Variants in NFIA observed in about 807,000 individuals in gnomAD.
NFIA encodes nuclear factor 1 A-type.
A neutral mutation model predicts 62.8 loss-of-function variants in NFIA; 8 were observed. The ratio of observed to expected loss-of-function variants is 0.13; its 90% confidence interval spans 0.07 to 0.23. The LOEUF is 0.23. Ranked by LOEUF, NFIA falls within the 10% of genes least tolerant of loss-of-function variation. The pLI is 1.00. For synonymous variants in NFIA, 235 were observed against 238.1 expected (o/e 0.99, Z 0.12); for missense variants, 410 against 642.1 (o/e 0.64, Z 3.91).
intron 3 of NFIA, among the ~76,000 whole-genome samples, chr1:61,290,463 T>C (rs1658807068): frequency 6.6e-6 from 1 of 152,194 alleles, no homozygotes; most frequent in Non-Finnish European, 1.5e-5. Flanking sequence ...CAAGACAAAG[T>C]TCATTAGGAT....
Position 61,088,696 on chromosome 1 carries a change from A to G in NFIA, c.559+16A>G. 1 of 1,595,198 alleles carries G rather than the reference A, an allele frequency of 6.3e-7. No homozygotes were observed. Among genetic ancestry groups the G allele is most frequent in the Non-Finnish European group, 8.5e-7 (1 of 1,170,048 alleles). On this transcript the variant is annotated intron_variant, in intron 2 of 10. Transcript: ENST00000403491. The surrounding 1 kb of genome is among the most constrained non-coding windows in gnomAD (Gnocchi z 4.5). ...CATGCAGCAGGTAAGTGCGATGGTG[A>G]GAATTCCTCCCACTTTCTTGTGTGT...
chr1:61,427,799 T>G (rs1217201950), intron 10 of NFIA, among the ~76,000 whole-genome samples: 1 of 152,222 alleles, frequency 6.6e-6, no homozygotes, highest in Admixed American at 6.5e-5. Flanking sequence ...CTGTTTCTTC[T>G]TAAACTGGCC....
At chr1:61,388,235 G>A (rs548920309) in intron 7 of NFIA, among the ~76,000 whole-genome samples, 4 of 152,242 alleles carry the variant, frequency 2.6e-5, no homozygotes, top group East Asian at 1.9e-4. Context: ...TTTGTACATC[G>A]TTATACGTTA....
At chr1:61,183,451 G>A (rs780747251) in intron 2 of NFIA, among the ~76,000 whole-genome samples, 2 of 152,192 alleles carry the variant, frequency 1.3e-5, no homozygotes, top group Non-Finnish European at 2.9e-5. Flanking sequence ...ATGTCTTTTC[G>A]TCTTGCGTTA....
At chr1:61,277,646 C>G in intron 3 of NFIA, 61 bp downstream of exon 3, 1 of 1,571,302 alleles carries the variant, frequency 6.4e-7, no homozygotes, top group Non-Finnish European at 8.8e-7. Flanking sequence ...AGCAGGCCGA[C>G]TAAGTGTGAG....
At chr1:61,167,731 G>A (rs1217502061) in intron 2 of NFIA, among the ~76,000 whole-genome samples, 1 of 152,136 alleles carries the variant, frequency 6.6e-6, no homozygotes, top group African/African-American at 2.4e-5. Context: ...CAAAAATGGT[G>A]TTATTTCTCA....
intron 2 of NFIA, among the ~76,000 whole-genome samples, chr1:61,186,110 G>T (rs1365012523): frequency 2.6e-5 from 4 of 152,074 alleles, no homozygotes; most frequent in African/African-American, 7.2e-5. Context: ...ATACTCATAA[G>T]AATTGTATTA....
chr1:61,426,920 G>A (rs1315181649), intron 10 of NFIA, among the ~76,000 whole-genome samples: 1 of 152,278 alleles, frequency 6.6e-6, no homozygotes, highest in East Asian at 1.9e-4. Flanking sequence ...TGACATCAGA[G>A]TGCATGCTGG....
chr1:61,101,949 G>A (rs1646519360), intron 2 of NFIA, among the ~76,000 whole-genome samples: 1 of 152,126 alleles, frequency 6.6e-6, no homozygotes, highest in African/African-American at 2.4e-5. Flanking sequence ...AAATCTGGTG[G>A]CCCAATATAT....
chr1:61,340,310 A>G (rs1661831681), intron 4 of NFIA, among the ~76,000 whole-genome samples: 3 of 152,174 alleles, frequency 2.0e-5, no homozygotes, highest in Non-Finnish European at 4.4e-5. Flanking sequence ...CAAGTATAAA[A>G]CCTATATTCA....
chr1:61,270,600 C>G (rs1657444929), intron 2 of NFIA, among the ~76,000 whole-genome samples: 1 of 152,088 alleles, frequency 6.6e-6, no homozygotes, highest in Non-Finnish European at 1.5e-5. Context: ...GGGACATTTT[C>G]TACATTAAGT....
intron 2 of NFIA, among the ~76,000 whole-genome samples, chr1:61,260,617 G>A (rs868773085): frequency 6.6e-6 from 1 of 152,168 alleles, no homozygotes; most frequent in Non-Finnish European, 1.5e-5. Flanking sequence ...GTCTCGCTCT[G>A]TCGCCCAGGC....
chr1:61,079,794 T>G (rs1431641624), upstream of NFIA, among the ~76,000 whole-genome samples: 1 of 152,240 alleles, frequency 6.6e-6, no homozygotes, highest in Non-Finnish European at 1.5e-5. Flanking sequence ...GATTTACTTT[T>G]GCAACTTGGG....
chr1:61,381,561 C>A (rs1309630878), intron 6 of NFIA, among the ~76,000 whole-genome samples: 1 of 152,144 alleles, frequency 6.6e-6, no homozygotes, highest in African/African-American at 2.4e-5. Flanking sequence ...AAATCACATA[C>A]CACTCTATGT....
chr1:61,130,168 A>G (rs1647049490), intron 2 of NFIA, among the ~76,000 whole-genome samples: 1 of 152,298 alleles, frequency 6.6e-6, no homozygotes, highest in East Asian at 1.9e-4. Flanking sequence ...TCTACTTTGT[A>G]TTAAAACAGT....
intron 7 of NFIA, among the ~76,000 whole-genome samples, chr1:61,390,389 C>T (rs1015142175): frequency 1.3e-5 from 2 of 151,636 alleles, no homozygotes; most frequent in Admixed American, 6.6e-5. Flanking sequence ...TCTGAAAATA[C>T]GCCTAAGATA....
chr1:61,298,716 T>A (rs1016610400), intron 3 of NFIA, among the ~76,000 whole-genome samples: 1 of 152,182 alleles, frequency 6.6e-6, no homozygotes, highest in Admixed American at 6.6e-5. Context: ...TTGAGAGTCT[T>A]AAATGAGACC....
chr1:61,447,701 A>G (rs1489175409), intron 10 of NFIA, among the ~76,000 whole-genome samples: 3 of 152,194 alleles, frequency 2.0e-5, no homozygotes, highest in Admixed American at 6.5e-5. Context: ...GATAGAATCT[A>G]TTTTTCATGA....
At chr1:61,365,381 C>T (rs1450374391) in intron 6 of NFIA, among the ~76,000 whole-genome samples, 4 of 152,132 alleles carry the variant, frequency 2.6e-5, no homozygotes, top group Admixed American at 6.5e-5. Context: ...TTAAATGTCA[C>T]GCTCTCCAAC....
Sources: allele counts gnomAD v4.1 joint callset (sites outside exome capture counted in the v4.1 genomes callset), GRCh38; gene constraint gnomAD v4.1.1; non-coding constraint Gnocchi (gnomAD v3.1); transcripts MANE v1.5; gene names NCBI Gene and HGNC (gene_info 2026-07-23, HGNC 2026-07-21).